Variants in PDE4B observed in about 807,000 individuals in gnomAD.
PDE4B encodes phosphodiesterase 4B.
Under a neutral mutation model 82.2 loss-of-function variants are expected in PDE4B, and 20 were observed. That is an observed-to-expected ratio of 0.24 (90% CI 0.17 to 0.35). The LOEUF (loss-of-function observed/expected upper bound fraction) is 0.35, where lower values mean the gene tolerates loss of function less well. PDE4B is among the 10% of genes least tolerant of loss of function. PDE4B has a pLI of 1.00. For synonymous variants in PDE4B, 320 were observed against 318.9 expected, an observed-to-expected ratio of 1.00 and a Z score of -0.04; for missense variants, 655 against 907.2, an observed-to-expected ratio of 0.72 and a Z score of 3.57.
At chr1:65,926,889 G>C (rs1418439277) in intron 3 of PDE4B, among the ~76,000 whole-genome samples, 1 of 152,012 alleles carries the variant, frequency 6.6e-6, no homozygotes, top group East Asian at 1.9e-4. Flanking sequence ...CAGACATATA[G>C]AGGAACAAGA....
At chr1:66,201,174 C>G (rs146095791) in intron 3 of PDE4B, among the ~76,000 whole-genome samples, 4,857 of 152,234 alleles carry the variant, frequency 0.032, 131 homozygotes, top group Middle Eastern at 0.095. Flanking sequence ...GTTGAGCCAG[C>G]CTTGCATCCC....
intron 3 of PDE4B, among the ~76,000 whole-genome samples, chr1:66,094,090 TG>T (rs940347195): frequency 2.6e-5 from 4 of 151,852 alleles, no homozygotes; most frequent in African/African-American, 9.7e-5. Flanking sequence ...TGAAGAGAAA[TG>T]GATGAGAGCA....
intron 3 of PDE4B, among the ~76,000 whole-genome samples, chr1:66,073,600 C>G (rs1354717261): frequency 2.0e-5 from 3 of 152,006 alleles, no homozygotes; most frequent in Admixed American, 1.3e-4. Flanking sequence ...CTGTGTCTCC[C>G]CCTTGTGCTT....
chr1:66,275,245 T>TACAGCACA (rs1655794315), intron 7 of PDE4B, among the ~76,000 whole-genome samples: 1 of 152,230 alleles, frequency 6.6e-6, no homozygotes, highest in South Asian at 2.1e-4. Flanking sequence ...TTACAGCTTG[T>TACAGCACA]ACAGCACATC....
intron 6 of PDE4B, among the ~76,000 whole-genome samples, chr1:66,261,122 C>A (rs1654648187): frequency 6.6e-6 from 1 of 152,152 alleles, no homozygotes. Flanking sequence ...AGACTCAGTC[C>A]TGAATAATGG....
At chr1:66,353,970 T>C (rs1662033235) in intron 8 of PDE4B, among the ~76,000 whole-genome samples, 1 of 152,156 alleles carries the variant, frequency 6.6e-6, no homozygotes, top group African/African-American at 2.4e-5. Context: ...ATTAATGAGC[T>C]GATGGAGGGC....
intron 1 of PDE4B, among the ~76,000 whole-genome samples, chr1:65,868,565 T>C (rs1646537630): frequency 6.6e-6 from 1 of 152,226 alleles, no homozygotes; most frequent in Admixed American, 6.5e-5. Context: ...TAAATACTTA[T>C]CAAGCACCAA....
intron 3 of PDE4B, among the ~76,000 whole-genome samples, chr1:66,022,208 G>C (rs57582073): frequency 0.021 from 3,207 of 152,288 alleles, 111 homozygotes; most frequent in African/African-American, 0.073. Context: ...GAGATTTTGG[G>C]CTGAGACGAT....
At position 66,037,118 on chromosome 1, in the gene PDE4B, T is replaced by G. The variant is rs538772351; in HGVS notation, c.281+118283T>G. 2.2e-3 allele frequency among the ~76,000 whole-genome samples: 307 copies of G among 138,566 alleles called. 1 individual carries two copies. Among genetic ancestry groups the G allele is most frequent in the Non-Finnish European group, 2.9e-3 (184 of 64,418 alleles). The allele number at this position is 138,566 out of a possible 152,430, so 90.9% of individuals were successfully genotyped here. Reference sequence around the variant, plus strand: ...ACTGCACTGGGTGACAGAGTGAGACTCTGCCTCAAAAAAAAAAAAAAAAAA... The same window carrying G: ...ACTGCACTGGGTGACAGAGTGAGACGCTGCCTCAAAAAAAAAAAAAAAAAA... On this transcript the variant is annotated intron_variant, in intron 3 of 16. Transcript: ENST00000341517.
intron 1 of PDE4B, among the ~76,000 whole-genome samples, chr1:65,865,815 G>T (rs572804176): frequency 6.6e-6 from 1 of 152,262 alleles, no homozygotes; most frequent in African/African-American, 2.4e-5. Context: ...GACTGGAGCC[G>T]TTTTTATTCG....
At chr1:65,812,741 T>C (rs922909873) in intron 1 of PDE4B, among the ~76,000 whole-genome samples, 2 of 152,218 alleles carry the variant, frequency 1.3e-5, no homozygotes, top group African/African-American at 2.4e-5. Flanking sequence ...CAGCCTCCTA[T>C]ATGATATTAT....
At chr1:66,133,800 C>T (rs1375805788) in intron 3 of PDE4B, among the ~76,000 whole-genome samples, 1 of 152,160 alleles carries the variant, frequency 6.6e-6, no homozygotes, top group Non-Finnish European at 1.5e-5. Context: ...GCCCTTTGTA[C>T]TCTTAGGCCC....
At chr1:65,871,764 G>A (rs11581577) in intron 1 of PDE4B, among the ~76,000 whole-genome samples, 25,809 of 152,062 alleles carry the variant, frequency 0.17, 2,813 homozygotes, top group South Asian at 0.38. Flanking sequence ...TGACTTGTGT[G>A]ACAGTCCCAT....
At chr1:65,984,476 G>A (rs1016352024) in intron 3 of PDE4B, among the ~76,000 whole-genome samples, 7 of 152,114 alleles carry the variant, frequency 4.6e-5, no homozygotes, top group South Asian at 4.1e-4. Flanking sequence ...ATTTTATTTC[G>A]TGATAAATTA....
intron 1 of PDE4B, among the ~76,000 whole-genome samples, chr1:65,895,365 C>G (rs1227862073): frequency 1.3e-5 from 2 of 151,956 alleles, no homozygotes; most frequent in Non-Finnish European, 2.9e-5. Context: ...GCTTGGCCAA[C>G]ATGGTGAAAC....
At chr1:66,274,516 G>C (rs1655739734) in intron 7 of PDE4B, among the ~76,000 whole-genome samples, 1 of 152,058 alleles carries the variant, frequency 6.6e-6, no homozygotes, top group Non-Finnish European at 1.5e-5. Context: ...ATTGTTGTAA[G>C]GGCTAAATGA....
intron 3 of PDE4B, among the ~76,000 whole-genome samples, chr1:66,214,702 A>G (rs1475773833): frequency 6.6e-6 from 1 of 152,142 alleles, no homozygotes; most frequent in African/African-American, 2.4e-5. Context: ...CCTGTGTCAC[A>G]AGTGGTAGAA....
chr1:66,343,000 G>A (rs1036598208), intron 8 of PDE4B, among the ~76,000 whole-genome samples: 6 of 151,774 alleles, frequency 4.0e-5, no homozygotes, highest in African/African-American at 7.3e-5. Flanking sequence ...CACCAAGATC[G>A]CACTACTGCA....
chr1:65,838,563 A>G (rs1245411169), intron 1 of PDE4B, among the ~76,000 whole-genome samples: 1 of 147,726 alleles, frequency 6.8e-6, no homozygotes, highest in Non-Finnish European at 1.5e-5. Flanking sequence ...ATATATGTAT[A>G]TGTATATATG....
Sources: allele counts gnomAD v4.1 joint callset (sites outside exome capture counted in the v4.1 genomes callset), GRCh38; gene constraint gnomAD v4.1.1; transcripts MANE v1.5; gene names NCBI Gene and HGNC (gene_info 2026-07-23, HGNC 2026-07-21).